Variants in ADGRL3 observed in about 807,000 individuals in gnomAD.
ADGRL3 encodes the protein adhesion G protein-coupled receptor L3.
In ADGRL3, 62 loss-of-function variants were observed where a neutral mutation model predicts 153.5. The ratio of observed to expected loss-of-function variants is 0.40; its 90% CI spans 0.33 to 0.50. The LOEUF is 0.50. Ranked by LOEUF, ADGRL3 falls within the 20% of genes least tolerant of loss-of-function variation. ADGRL3 has a pLI of 0.47. For missense variants in ADGRL3, 1,641 were observed against 1,859.4 expected (o/e 0.88, Z 2.16); for synonymous variants, 710 against 672.5 (o/e 1.06, Z -0.86).
At chr4:61,460,411 C>T (rs2097796897) in intron 2 of ADGRL3, among the ~76,000 whole-genome samples, 2 of 152,092 alleles carry the variant, frequency 1.3e-5, no homozygotes, top group South Asian at 4.1e-4. Context: ...ATAGATGGAA[C>T]TGGAGTTTAT....
At chr4:61,436,911 T>C (rs948166615) in intron 2 of ADGRL3, among the ~76,000 whole-genome samples, 1 of 151,702 alleles carries the variant, frequency 6.6e-6, no homozygotes, top group Non-Finnish European at 1.5e-5. Context: ...GAGTCTAAGC[T>C]GGAGATAAAC....
At chr4:61,374,207 G>T (rs1205494476) in intron 1 of ADGRL3, among the ~76,000 whole-genome samples, 1 of 152,154 alleles carries the variant, frequency 6.6e-6, no homozygotes, top group African/African-American at 2.4e-5. Flanking sequence ...GTCCACTGCA[G>T]ATGTTTGCAT....
intron 5 of ADGRL3, among the ~76,000 whole-genome samples, chr4:61,645,671 G>T (rs1320827662): frequency 6.6e-6 from 1 of 152,050 alleles, no homozygotes; most frequent in Non-Finnish European, 1.5e-5. Flanking sequence ...AGTCTGATGG[G>T]CTTCCCTTTG....
chr4:61,668,788 T>A (rs1200901034), intron 5 of ADGRL3, among the ~76,000 whole-genome samples: 1 of 151,774 alleles, frequency 6.6e-6, no homozygotes, highest in Non-Finnish European at 1.5e-5. Flanking sequence ...GAGGCTGAGG[T>A]GGGAGGATTG....
At chr4:61,718,020 T>C (rs2096158474) in intron 6 of ADGRL3, among the ~76,000 whole-genome samples, 1 of 151,822 alleles carries the variant, frequency 6.6e-6, no homozygotes, top group Non-Finnish European at 1.5e-5. Context: ...TGTGACAGAG[T>C]TGTCTCAAAA....
At chr4:61,544,576 T>G (rs976577959) in intron 4 of ADGRL3, among the ~76,000 whole-genome samples, 1 of 152,216 alleles carries the variant, frequency 6.6e-6, no homozygotes, top group South Asian at 2.1e-4. Flanking sequence ...TTTTCCCTTT[T>G]GGTTTTATAT....
chr4:61,685,834 T>A (rs2095432423), intron 6 of ADGRL3, among the ~76,000 whole-genome samples: 1 of 152,138 alleles, frequency 6.6e-6, no homozygotes, highest in South Asian at 2.1e-4. Flanking sequence ...ATATATATTT[T>A]AGAAAATATT....
At chr4:61,569,285 A>G (rs1168139384) in intron 4 of ADGRL3, among the ~76,000 whole-genome samples, 2 of 152,192 alleles carry the variant, frequency 1.3e-5, no homozygotes, top group African/African-American at 4.8e-5. Context: ...TTCACATGCC[A>G]TAAGACTCAT....
At chr4:62,044,602 T>C in intron 25 of ADGRL3, 53 bp downstream of exon 25, 3 of 1,207,168 alleles carry the variant, frequency 2.5e-6, no homozygotes, top group Non-Finnish European at 3.6e-6. Context: ...CTTTAAGAAG[T>C]CCTTAAATTC....
At chr4:61,267,810 A>G (rs1246379084) in intron 1 of ADGRL3, among the ~76,000 whole-genome samples, 2 of 139,672 alleles carry the variant, frequency 1.4e-5, no homozygotes, top group Non-Finnish European at 3.1e-5. Flanking sequence ...GAGTTAGGGT[A>G]TGGAGAGTTT....
intron 5 of ADGRL3, among the ~76,000 whole-genome samples, chr4:61,610,879 G>C (rs1234762212): frequency 6.6e-6 from 1 of 151,720 alleles, no homozygotes; most frequent in Non-Finnish European, 1.5e-5. Flanking sequence ...TAGAGTGTTT[G>C]CATATAATCA....
intron 17 of ADGRL3, among the ~76,000 whole-genome samples, chr4:61,951,871 A>G (rs1409352343): frequency 6.6e-6 from 1 of 152,132 alleles, no homozygotes; most frequent in African/African-American, 2.4e-5. Flanking sequence ...TCACAAACAA[A>G]CAAAACAAAC....
rs1023178093 is a variant in ADGRL3, at chr4:61,567,492, C to A, written c.260-19735C>A. Reference sequence around the variant, plus strand: ...AGAGAGCTGACTTGCCCCTTTACCACGTGAGGTCACAGCTAGAAGATGCCG... The same window carrying A: ...AGAGAGCTGACTTGCCCCTTTACCAAGTGAGGTCACAGCTAGAAGATGCCG... On this transcript the variant is annotated intron_variant, in intron 4 of 26. Coordinates refer to ENST00000683033, the MANE Select transcript of ADGRL3 (RefSeq NM_001387552.1). Among the ~76,000 whole-genome samples the A allele has an allele frequency of 2.6e-5, 4 of 152,242 alleles. No individual in the cohort carries two copies. In the East Asian group the frequency reaches 7.7e-4, roughly 29 times the overall value.
At chr4:61,890,146 G>A (rs1460887181) in intron 9 of ADGRL3, among the ~76,000 whole-genome samples, 1 of 151,998 alleles carries the variant, frequency 6.6e-6, no homozygotes, top group African/African-American at 2.4e-5. Flanking sequence ...AGAAGACAAA[G>A]AAGAAATAGC....
At chr4:61,774,802 T>A (rs2097128708) in intron 8 of ADGRL3, among the ~76,000 whole-genome samples, 1 of 152,196 alleles carries the variant, frequency 6.6e-6, no homozygotes, top group South Asian at 2.1e-4. Flanking sequence ...TTGTTATAGG[T>A]GTGTATGTAT....
At chr4:61,432,649 TC>T (rs2097383733) in intron 2 of ADGRL3, among the ~76,000 whole-genome samples, 1 of 40,612 alleles carries the variant, frequency 2.5e-5, no homozygotes, top group Non-Finnish European at 5.9e-5. Context: ...TTTCTTTCTT[TC>T]TTTCTTTTTT....
intron 5 of ADGRL3, among the ~76,000 whole-genome samples, chr4:61,609,384 A>G (rs2099044627): frequency 6.6e-6 from 1 of 152,110 alleles, no homozygotes; most frequent in Admixed American, 6.6e-5. Flanking sequence ...ACTACACCCT[A>G]AAGACTATTT....
chr4:62,008,671 G>T (rs1192288241), intron 21 of ADGRL3, among the ~76,000 whole-genome samples: 1 of 150,514 alleles, frequency 6.6e-6, no homozygotes, highest in Admixed American at 6.6e-5. Flanking sequence ...TATATTTACA[G>T]GTTAAAAATT....
At position 62,031,608 on chromosome 4, in the gene ADGRL3, A is replaced by T; in HGVS notation, c.3589A>T (p.Lys1197Ter). The T allele has an allele frequency of 6.3e-7, 1 of 1,596,594 alleles. No homozygotes were observed. The highest frequency in any genetic ancestry group is 8.6e-7 in the Non-Finnish European group (1 of 1,169,532). ...TATTTTCCATTGTGTCCTACAGAAGAAGGTAAGCTAGAATTCTTTTTTTAA... is the reference window on the plus strand; with the variant it reads ...TATTTTCCATTGTGTCCTACAGAAGTAGGTAAGCTAGAATTCTTTTTTTAA... ...IFIFHCVLQK[K>*]VRKEYGKCLR... The change falls in exon 23 of 27, where the codon AAG (lysine) becomes TAG (stop). Residue 1197 changes from lysine to a stop codon, truncating the protein, a stop_gained and splice_region_variant. Transcript: ENST00000683033. LOFTEE classifies it high-confidence loss of function.
Sources: gnomAD v4.1 joint callset for allele counts (sites outside exome capture counted in the v4.1 genomes callset) on GRCh38, gnomAD v4.1.1 for gene constraint, MANE v1.5 for transcripts, NCBI Gene and HGNC (gene_info 2026-07-23, HGNC 2026-07-21) for gene names.